The following APBB1IP variants were observed in gnomAD, a reference collection of about 807,000 sequenced individuals.
The protein encoded by APBB1IP is amyloid beta precursor protein binding family B member 1 interacting protein.
A neutral mutation model predicts 64.9 loss-of-function variants in APBB1IP; 27 were observed. The observed-to-expected ratio is 0.42, with a 90% CI of 0.31 to 0.57. APBB1IP has a LOEUF of 0.57. Ranked by LOEUF, APBB1IP falls within the 20% of genes least tolerant of loss-of-function variation. The pLI, the probability that APBB1IP is intolerant of heterozygous loss-of-function variation, is 0.20. For missense variants in APBB1IP, 812 were observed against 845.5 expected (o/e 0.96, Z 0.49); for synonymous variants, 392 against 331.0 (o/e 1.18, Z -2.00).
intron 8 of APBB1IP, among the ~76,000 whole-genome samples, chr10:26,527,718 G>A (rs866190294): frequency 2.7e-4 from 31 of 113,332 alleles, no homozygotes; most frequent in African/African-American, 1.0e-3. Flanking sequence ...TTGAGATGGA[G>A]TTTTGCTCCT....
intron 2 of APBB1IP, among the ~76,000 whole-genome samples, chr10:26,476,058 A>G (rs1835771505): frequency 6.7e-6 from 1 of 148,860 alleles, no homozygotes; most frequent in Non-Finnish European, 1.5e-5. Flanking sequence ...TGTCTTTATA[A>G]AAACTTTTTT....
At chr10:26,523,303 T>C (rs1315458123) in intron 8 of APBB1IP, among the ~76,000 whole-genome samples, 1 of 152,208 alleles carries the variant, frequency 6.6e-6, no homozygotes, top group African/African-American at 2.4e-5. Context: ...TGATGGTTCT[T>C]TTCATCCATT....
intron 8 of APBB1IP, among the ~76,000 whole-genome samples, chr10:26,524,093 C>T (rs1836439750): frequency 6.6e-6 from 1 of 152,118 alleles, no homozygotes; most frequent in Admixed American, 6.5e-5. Flanking sequence ...AGAAGCCAGA[C>T]GATCTCTGTG....
At chr10:26,449,024 C>T (rs1189137130) in intron 2 of APBB1IP, among the ~76,000 whole-genome samples, 1 of 152,058 alleles carries the variant, frequency 6.6e-6, no homozygotes, top group Non-Finnish European at 1.5e-5. Flanking sequence ...CAGGGGAGGG[C>T]AGTAGTGCTA....
At chr10:26,468,849 T>C (rs703007) in intron 2 of APBB1IP, among the ~76,000 whole-genome samples, 37,211 of 152,040 alleles carry the variant, frequency 0.24, 4,880 homozygotes, top group East Asian at 0.49. Flanking sequence ...AAGGATTTCA[T>C]CATTCCTGTT....
intron 3 of APBB1IP, among the ~76,000 whole-genome samples, chr10:26,495,394 A>T (rs1836008904): frequency 7.8e-6 from 1 of 127,706 alleles, no homozygotes; most frequent in African/African-American, 2.8e-5. Flanking sequence ...TCATTCCTGC[A>T]GCCAGTGGGG....
At chr10:26,492,006 C>G (rs1206585471) in intron 2 of APBB1IP, among the ~76,000 whole-genome samples, 1 of 152,130 alleles carries the variant, frequency 6.6e-6, no homozygotes, top group South Asian at 2.1e-4. Flanking sequence ...AGGTGATCTG[C>G]CTGTCTCGGC....
intron 11 of APBB1IP, among the ~76,000 whole-genome samples, chr10:26,545,553 G>A (rs1260076749): frequency 6.6e-6 from 1 of 152,270 alleles, no homozygotes; most frequent in East Asian, 1.9e-4. Context: ...GAGGTCAGGA[G>A]ATCGAGACCA....
chr10:26,539,503 G>T (rs1281214490), intron 10 of APBB1IP, among the ~76,000 whole-genome samples: 3 of 151,332 alleles, frequency 2.0e-5, no homozygotes, highest in Admixed American at 2.0e-4. Flanking sequence ...AAGGAAGGAA[G>T]AAAGGGAGAA....
intron 11 of APBB1IP, among the ~76,000 whole-genome samples, chr10:26,542,125 T>C (rs1836704720): frequency 6.6e-6 from 1 of 152,192 alleles, no homozygotes; most frequent in African/African-American, 2.4e-5. Context: ...GTGTATATTG[T>C]CAAAAGGCAA....
At position 26,567,390 on chromosome 10, in the gene APBB1IP, G is replaced by C; in HGVS notation, c.1903G>C (p.Glu635Gln). 6.3e-7 allele frequency: 1 copy of C among 1,591,798 alleles called. No individual in the cohort carries two copies. The highest frequency in any genetic ancestry group is 8.6e-7 in the Non-Finnish European group (1 of 1,166,398). Residue 635 changes from glutamate to glutamine, a missense_variant, in exon 15 of 15, where the codon GAG becomes CAG. Coordinates refer to ENST00000376236, the MANE Select transcript of APBB1IP (RefSeq NM_019043.4). The part of the protein sequence containing the change: ...KRPPVPPKRQ[E>Q]NPGHPGGAGG... ...GCCTCCTGTGCCCCCCAAGAGGCAA[G>C]AGAACCCAGGGCACCCCGGCGGAGC...
intron 6 of APBB1IP, among the ~76,000 whole-genome samples, chr10:26,505,379 A>G (rs1326342946): frequency 6.6e-6 from 1 of 152,082 alleles, no homozygotes; most frequent in Non-Finnish European, 1.5e-5. Context: ...GATTAATTCC[A>G]CAGTCCATCA....
intron 2 of APBB1IP, among the ~76,000 whole-genome samples, chr10:26,483,774 G>A (rs982271634): frequency 2.0e-5 from 3 of 151,990 alleles, no homozygotes; most frequent in East Asian, 3.9e-4. Context: ...GTGCAATAGT[G>A]CAATCATGAG....
chr10:26,469,439 C>A (rs1175231995), intron 2 of APBB1IP, among the ~76,000 whole-genome samples: 1 of 151,738 alleles, frequency 6.6e-6, no homozygotes, highest in African/African-American at 2.4e-5. Flanking sequence ...TTAGTAGAGA[C>A]TGGGTTTCAC....
At position 26,567,378 on chromosome 10, in the gene APBB1IP, C is replaced by T. The variant is rs771072897; in HGVS notation, c.1891C>T (p.Pro631Ser). Reference protein sequence around the residue: ...PAVAKRPPVPPKRQENPGHPG... With the variant: ...PAVAKRPPVPSKRQENPGHPG... Reference sequence around the variant, plus strand: ...GGTGGCCAAGAGGCCTCCTGTGCCCCCCAAGAGGCAAGAGAACCCAGGGCA... The same window carrying T: ...GGTGGCCAAGAGGCCTCCTGTGCCCTCCAAGAGGCAAGAGAACCCAGGGCA... The change falls in exon 15 of 15, where the codon CCC becomes TCC. Residue 631 changes from proline (P) to serine (S), a missense_variant. Pro to Ser is a moderately conservative substitution (Grantham distance 74, BLOSUM62 -1). Transcript: ENST00000376236. 65 of 1,577,022 alleles carry T rather than the reference C, an allele frequency of 4.1e-5. No individual in the cohort carries two copies. Among genetic ancestry groups the T allele is most frequent in the Non-Finnish European group, 5.3e-5 (61 of 1,158,034 alleles).
At chr10:26,495,955 T>TATATA (rs1445289353) in intron 3 of APBB1IP, among the ~76,000 whole-genome samples, 3 of 132,244 alleles carry the variant, frequency 2.3e-5, no homozygotes, top group African/African-American at 1.0e-4. Flanking sequence ...AAATATATTT[T>TATATA]ATATATATTT....
At chr10:26,473,186 C>A (rs1835739968) in intron 2 of APBB1IP, among the ~76,000 whole-genome samples, 1 of 152,086 alleles carries the variant, frequency 6.6e-6, no homozygotes, top group Non-Finnish European at 1.5e-5. Context: ...ATGAATGTTT[C>A]TATATTTCTT....
intron 8 of APBB1IP, among the ~76,000 whole-genome samples, chr10:26,528,910 A>G (rs1406695302): frequency 6.6e-6 from 1 of 152,168 alleles, no homozygotes; most frequent in Non-Finnish European, 1.5e-5. Flanking sequence ...GCACTCCAGC[A>G]TAGGTGACAG....
intron 11 of APBB1IP, among the ~76,000 whole-genome samples, chr10:26,556,758 G>A (rs1320292768): frequency 6.6e-6 from 1 of 152,214 alleles, no homozygotes; most frequent in African/African-American, 2.4e-5. Context: ...AGATTATCTT[G>A]AAGGTAACAA....
Sources: allele counts gnomAD v4.1 joint callset (sites outside exome capture counted in the v4.1 genomes callset), GRCh38; gene constraint gnomAD v4.1.1; transcripts MANE v1.5; gene names NCBI Gene and HGNC (gene_info 2026-07-23, HGNC 2026-07-21).